Variants in PTPRD observed in about 807,000 individuals in gnomAD.
PTPRD encodes protein tyrosine phosphatase receptor type D.
A neutral mutation model predicts 214.5 loss-of-function variants in PTPRD; 34 were observed. That is an observed-to-expected ratio of 0.16 (90% CI 0.12 to 0.21). PTPRD has a LOEUF of 0.21. Ranked by LOEUF, PTPRD falls within the 10% of genes least tolerant of loss-of-function variation. PTPRD has a pLI of 1.00. For synonymous variants in PTPRD, 1,128 were observed against 845.7 expected, an observed-to-expected ratio of 1.33 and a Z score of -5.79; for missense variants, 2,545 against 2,398.7, an observed-to-expected ratio of 1.06 and a Z score of -1.27.
chr9:10,148,093 ATTTTCAACTATGAAGAAGGGAATCTAC>A, intron 3 of PTPRD, among the ~76,000 whole-genome samples: 1 of 152,214 alleles, frequency 6.6e-6, no homozygotes, highest in Admixed American at 6.5e-5. Flanking sequence ...ACCTTTCACT[ATTTTCAACTATGAAGAAGGGAATCTAC>A]ATGGCTATGA....
chr9:9,012,871 T>C (rs1376400118), intron 11 of PTPRD, among the ~76,000 whole-genome samples: 1 of 152,166 alleles, frequency 6.6e-6, no homozygotes, highest in African/African-American at 2.4e-5. Flanking sequence ...GTGACTTGCC[T>C]TTGTATTCAC....
intron 12 of PTPRD, among the ~76,000 whole-genome samples, chr9:8,702,439 G>T (rs1403832586): frequency 6.6e-6 from 1 of 152,032 alleles, no homozygotes; most frequent in Admixed American, 6.5e-5. Flanking sequence ...TACCTACTAC[G>T]TGAGTTCATG....
chr9:10,502,982 TATAA>T (rs1372111934), intron 2 of PTPRD, among the ~76,000 whole-genome samples: 1 of 151,954 alleles, frequency 6.6e-6, no homozygotes, highest in Non-Finnish European at 1.5e-5. Context: ...TCCATCAACT[TATAA>T]ATTGTTTTTG....
intron 2 of PTPRD, among the ~76,000 whole-genome samples, chr9:10,594,580 G>A (rs1030514836): frequency 5.3e-5 from 8 of 151,962 alleles, no homozygotes; most frequent in Non-Finnish European, 7.4e-5. Context: ...CAAACAACCT[G>A]CTATGTTGTT....
rs753847764 is a variant in PTPRD at position 10,503,193 on chromosome 9, C to CAAAAAAAAAAA, written c.-600+109194_-600+109204dup. On this transcript the variant is annotated intron_variant, in intron 2 of 45. Transcript: ENST00000381196. ...AATTCATTGAGACACAGCTGCAATA[C>CAAAAAAAAAAA]AAAAAAAAAAAAAACAAAAAAAAAC... Among the ~76,000 whole-genome samples, 397 of 68,568 alleles carry CAAAAAAAAAAA rather than the reference C, an allele frequency of 5.8e-3. 5 individuals carry two copies. Among genetic ancestry groups the CAAAAAAAAAAA allele is most frequent in the Non-Finnish European group, 7.5e-3 (265 of 35,318 alleles). The allele number at this position is 68,568 out of a possible 152,430, so 45.0% of individuals were successfully genotyped here.
chr9:9,304,607 T>C (rs999018129), intron 9 of PTPRD, among the ~76,000 whole-genome samples: 3 of 151,818 alleles, frequency 2.0e-5, no homozygotes, highest in Non-Finnish European at 4.4e-5. Flanking sequence ...AACTAATTTC[T>C]GTTGGAAAGC....
At chr9:10,277,974 A>T (rs1371611319) in intron 3 of PTPRD, among the ~76,000 whole-genome samples, 1 of 151,992 alleles carries the variant, frequency 6.6e-6, no homozygotes, top group African/African-American at 2.4e-5. Flanking sequence ...GTGGCTAACG[A>T]GGGAGAAAAC....
chr9:10,596,118 T>C (rs1185706493), intron 2 of PTPRD, among the ~76,000 whole-genome samples: 1 of 151,772 alleles, frequency 6.6e-6, no homozygotes. Context: ...TTAAGTTAGA[T>C]AATAGGATGT....
At chr9:9,995,474 C>G (rs993532102) in intron 4 of PTPRD, among the ~76,000 whole-genome samples, 1 of 152,182 alleles carries the variant, frequency 6.6e-6, no homozygotes, top group Non-Finnish European at 1.5e-5. Flanking sequence ...ATCTCCCTCA[C>G]GGACATATGT....
intron 11 of PTPRD, among the ~76,000 whole-genome samples, chr9:8,829,378 A>T (rs2097239970): frequency 6.6e-6 from 1 of 152,194 alleles, no homozygotes; most frequent in African/African-American, 2.4e-5. Flanking sequence ...AGAGGGAATC[A>T]TACAGTTTGT....
At chr9:8,593,690 G>C (rs998399375) in intron 14 of PTPRD, among the ~76,000 whole-genome samples, 1 of 152,186 alleles carries the variant, frequency 6.6e-6, no homozygotes, top group African/African-American at 2.4e-5. Flanking sequence ...ATATCCTTAA[G>C]AGGAGTGGTA....
At chr9:10,212,687 AG>A (rs2099522849) in intron 3 of PTPRD, among the ~76,000 whole-genome samples, 1 of 152,164 alleles carries the variant, frequency 6.6e-6, no homozygotes, top group Admixed American at 6.6e-5. Context: ...CCCATAAACC[AG>A]GTCACCATTG....
intron 7 of PTPRD, among the ~76,000 whole-genome samples, chr9:9,597,720 T>C (rs963674640): frequency 6.6e-6 from 1 of 151,806 alleles, no homozygotes; most frequent in Admixed American, 6.6e-5. Context: ...GTGGAGAAAA[T>C]AGTTTCAGCT....
At chr9:8,863,388 C>T (rs2098140178) in intron 11 of PTPRD, among the ~76,000 whole-genome samples, 1 of 152,186 alleles carries the variant, frequency 6.6e-6, no homozygotes, top group Non-Finnish European at 1.5e-5. Context: ...TCATTTTTTT[C>T]TTGTGAGCAA....
intron 7 of PTPRD, among the ~76,000 whole-genome samples, chr9:9,636,300 T>C (rs1182270036): frequency 2.6e-5 from 4 of 152,150 alleles, no homozygotes; most frequent in Non-Finnish European, 4.4e-5. Context: ...ATAGTTTGCA[T>C]TTGTAATTTT....
chr9:9,634,321 G>T (rs974201984), intron 7 of PTPRD, among the ~76,000 whole-genome samples: 1 of 152,112 alleles, frequency 6.6e-6, no homozygotes, highest in African/African-American at 2.4e-5. Context: ...AATTTTATTT[G>T]TTTTCCTGAT....
intron 8 of PTPRD, among the ~76,000 whole-genome samples, chr9:9,448,605 G>A (rs143898465): frequency 1.7e-3 from 265 of 152,148 alleles, no homozygotes; most frequent in African/African-American, 6.1e-3. Flanking sequence ...CTTTACAGCA[G>A]TGTGAAAACA....
chr9:8,387,283 G>C (rs1002864157), intron 37 of PTPRD, among the ~76,000 whole-genome samples: 2 of 152,146 alleles, frequency 1.3e-5, no homozygotes, highest in African/African-American at 4.8e-5. Flanking sequence ...ATAAACTGTA[G>C]GTATTTAAGT....
intron 39 of PTPRD, among the ~76,000 whole-genome samples, chr9:8,366,518 A>G (rs2079921749): frequency 6.6e-6 from 1 of 152,254 alleles, no homozygotes; most frequent in Non-Finnish European, 1.5e-5. Context: ...GTTTTTCATA[A>G]GCAACTCATC....
Sources: allele counts gnomAD v4.1 joint callset (sites outside exome capture counted in the v4.1 genomes callset), GRCh38; gene constraint gnomAD v4.1.1; transcripts MANE v1.5; gene names NCBI Gene and HGNC (gene_info 2026-07-23, HGNC 2026-07-21).